Variants in CAMKMT observed in about 807,000 individuals in gnomAD.
CAMKMT encodes calmodulin-lysine N-methyltransferase.
Under a neutral mutation model 48.0 loss-of-function variants are expected in CAMKMT, and 53 were observed. The ratio of observed to expected loss-of-function variants is 1.10; its 90% CI spans 0.89 to 1.39. The LOEUF is 1.39. CAMKMT is among the 40% of genes most tolerant of loss of function. The probability of loss-of-function intolerance (pLI) is 0.00; values close to 1 mark genes in which losing one functional copy is unlikely to be tolerated. For missense variants in CAMKMT, 428 were observed against 402.7 expected (o/e 1.06, Z -0.54); for synonymous variants, 165 against 152.3 (o/e 1.08, Z -0.61).
chr2:44,416,957 A>C (rs1470599294), intron 3 of CAMKMT, among the ~76,000 whole-genome samples: 1 of 151,078 alleles, frequency 6.6e-6, no homozygotes, highest in African/African-American at 2.4e-5. Context: ...TTTTAGAGAC[A>C]GGGTCTCCCT....
At chr2:44,519,065 G>A (rs915283252) in intron 3 of CAMKMT, among the ~76,000 whole-genome samples, 1 of 152,116 alleles carries the variant, frequency 6.6e-6, no homozygotes, top group African/African-American at 2.4e-5. Flanking sequence ...AAAGTGATAC[G>A]GAACTGATTT....
chr2:44,602,936 T>C (rs1225486328), intron 3 of CAMKMT, among the ~76,000 whole-genome samples: 2 of 151,984 alleles, frequency 1.3e-5, no homozygotes, highest in African/African-American at 4.8e-5. Context: ...TTATTTTTTG[T>C]GTATTGCCAA....
intron 10 of CAMKMT, among the ~76,000 whole-genome samples, chr2:44,768,363 T>TATATA (rs1558844484): frequency 1.4e-3 from 103 of 72,010 alleles, no homozygotes; most frequent in Middle Eastern, 8.9e-3. Context: ...ATATATATAT[T>TATATA]TTTTTTTTTT....
intron 3 of CAMKMT, among the ~76,000 whole-genome samples, chr2:44,418,722 C>G (rs1219611376): frequency 6.6e-6 from 1 of 152,152 alleles, no homozygotes; most frequent in East Asian, 1.9e-4. Context: ...TTTGTCCATT[C>G]TAGGTTCTTG....
At chr2:44,595,535 A>G (rs1378599007) in intron 3 of CAMKMT, among the ~76,000 whole-genome samples, 1 of 152,230 alleles carries the variant, frequency 6.6e-6, no homozygotes, top group Non-Finnish European at 1.5e-5. Context: ...GCTCATGGAT[A>G]GGAAGAATCA....
chr2:44,664,711 T>G (rs946141545), intron 3 of CAMKMT, among the ~76,000 whole-genome samples: 2 of 152,192 alleles, frequency 1.3e-5, no homozygotes, highest in African/African-American at 4.8e-5. Flanking sequence ...AAATTGATAT[T>G]GGTATTCACA....
At chr2:44,421,552 T>G (rs913524667) in intron 3 of CAMKMT, among the ~76,000 whole-genome samples, 1 of 152,150 alleles carries the variant, frequency 6.6e-6, no homozygotes, top group Non-Finnish European at 1.5e-5. Context: ...AGAAAATAAT[T>G]GAAACATAGA....
chr2:44,416,961 T>C (rs1160984764), intron 3 of CAMKMT, among the ~76,000 whole-genome samples: 1 of 151,656 alleles, frequency 6.6e-6, no homozygotes. Context: ...AGAGACAGGG[T>C]CTCCCTCTGT....
At chr2:44,419,328 T>C (rs1683773203) in intron 3 of CAMKMT, among the ~76,000 whole-genome samples, 2 of 152,206 alleles carry the variant, frequency 1.3e-5, no homozygotes, top group Admixed American at 6.5e-5. Context: ...ACAAAAGCAT[T>C]CCAGTGTTTG....
intron 3 of CAMKMT, among the ~76,000 whole-genome samples, chr2:44,482,678 T>G (rs1476919432): frequency 6.6e-6 from 1 of 152,144 alleles, no homozygotes; most frequent in Non-Finnish European, 1.5e-5. Flanking sequence ...AGAAATGGCC[T>G]TATACTTCAC....
At chr2:44,727,538 G>A (rs1483296568) in intron 7 of CAMKMT, among the ~76,000 whole-genome samples, 4 of 152,176 alleles carry the variant, frequency 2.6e-5, no homozygotes, top group Non-Finnish European at 5.9e-5. Flanking sequence ...GATTTTCTAA[G>A]TATAGAATCA....
chr2:44,679,603 C>T (rs910248716), intron 3 of CAMKMT, among the ~76,000 whole-genome samples: 1 of 152,176 alleles, frequency 6.6e-6, no homozygotes, highest in Non-Finnish European at 1.5e-5. Flanking sequence ...ATAGCCTGCG[C>T]CATGTCAGAA....
intron 3 of CAMKMT, among the ~76,000 whole-genome samples, chr2:44,640,013 A>G (rs535391090): frequency 1.3e-5 from 2 of 152,306 alleles, no homozygotes; most frequent in African/African-American, 2.4e-5. Flanking sequence ...TCAAGTACCC[A>G]GCAAATACCC....
chr2:44,690,770 G>T (rs1193086917), intron 3 of CAMKMT, among the ~76,000 whole-genome samples: 1 of 151,998 alleles, frequency 6.6e-6, no homozygotes, highest in Non-Finnish European at 1.5e-5. Context: ...GAGGTCAGGA[G>T]TTCGAGACCA....
At chr2:44,404,435 C>T (rs543263878) in intron 3 of CAMKMT, among the ~76,000 whole-genome samples, 1 of 151,974 alleles carries the variant, frequency 6.6e-6, no homozygotes, top group East Asian at 1.9e-4. Flanking sequence ...TACATATTGG[C>T]GATATTTTCC....
At chr2:44,745,619 A>G (rs1340074607) in intron 8 of CAMKMT, among the ~76,000 whole-genome samples, 2 of 152,170 alleles carry the variant, frequency 1.3e-5, no homozygotes, top group Non-Finnish European at 2.9e-5. Flanking sequence ...TCATTTTATA[A>G]ATGGCTTTTC....
At chr2:44,363,000 T>C (rs935262263) in intron 1 of CAMKMT, among the ~76,000 whole-genome samples, 1 of 152,236 alleles carries the variant, frequency 6.6e-6, no homozygotes, top group Non-Finnish European at 1.5e-5. Flanking sequence ...TTTCTGACAG[T>C]TGTGTTTGGA....
intron 8 of CAMKMT, among the ~76,000 whole-genome samples, chr2:44,745,911 G>A (rs1445456467): frequency 6.6e-6 from 1 of 152,234 alleles, no homozygotes; most frequent in Admixed American, 6.5e-5. Flanking sequence ...TGTTGGTGTG[G>A]TGTTTCTCTG....
chr2:44,448,221 C>G (rs761813237), intron 3 of CAMKMT, among the ~76,000 whole-genome samples: 2 of 152,148 alleles, frequency 1.3e-5, no homozygotes, highest in African/African-American at 2.4e-5. Context: ...ACCCACTGCT[C>G]CTTACGCACG....
Sources: allele counts gnomAD v4.1 joint callset (sites outside exome capture counted in the v4.1 genomes callset), GRCh38; gene constraint gnomAD v4.1.1; transcripts MANE v1.5; gene names NCBI Gene and HGNC (gene_info 2026-07-23, HGNC 2026-07-21).